The following MAP3K12 variants were observed in gnomAD, a reference collection of about 807,000 sequenced individuals.
MAP3K12 encodes mitogen-activated protein kinase kinase kinase 12.
Under a neutral mutation model 87.5 loss-of-function variants are expected in MAP3K12, and 14 were observed. The ratio of observed to expected loss-of-function variants is 0.16; its 90% CI spans 0.11 to 0.25. MAP3K12 has a LOEUF of 0.25. MAP3K12 is among the 10% of genes least tolerant of loss of function. MAP3K12 has a pLI of 1.00. For synonymous variants in MAP3K12, 469 were observed against 452.5 expected, an observed-to-expected ratio of 1.04 and a Z score of -0.46; for missense variants, 802 against 1,140.4, an observed-to-expected ratio of 0.70 and a Z score of 4.27.
intron 1 of MAP3K12, among the ~76,000 whole-genome samples, chr12:53,488,347 C>T (rs1943296233): frequency 6.6e-6 from 1 of 152,216 alleles, no homozygotes; most frequent in African/African-American, 2.4e-5. Context: ...TGTCCCAGTT[C>T]ATAGCTGGGT....
At chr12:53,481,304 G>A in intron 13 of MAP3K12, 24 bp from the exon 14 acceptor site, 2 of 1,412,710 alleles carry the variant, frequency 1.4e-6, no homozygotes, top group East Asian at 2.6e-5. Flanking sequence ...TAGAAATGGA[G>A]TGAGATTCCT....
chr12:53,480,353 C>T lies in MAP3K12; in HGVS notation c.*829G>A, dbSNP rs910025140. On this transcript the variant is annotated 3_prime_UTR_variant, in exon 14 of 14. Transcript: ENST00000547488. ...TAGAAAGTTGGGGCTTGACATTATA[C>T]TCATTTAGTGAGAGTAGATGCAAAA... The T allele has an allele frequency of 6.6e-6, 1 of 152,268 alleles. No homozygotes were observed. The highest frequency in any genetic ancestry group is 2.4e-5 in the African/African-American group (1 of 41,416). 9.4% of individuals were successfully genotyped at this position (152,268 alleles called of 1,614,324 possible).
In MAP3K12 at chr12:53,486,787, G is replaced by T; in HGVS notation, c.445+160C>A. On this transcript the variant is annotated intron_variant, in intron 2 of 13. Coordinates refer to ENST00000547488, the MANE Select transcript of MAP3K12 (RefSeq NM_001193511.2). This position sits in a 1 kb window ranked among gnomAD's most constrained non-coding sequence, Gnocchi z 4.9. ...GGGACAGGGAAGGAATGAATGGGTGGCCTTAAAAGAAGCTGGGAAGTTAGA... is the reference window on the plus strand; with the variant it reads ...GGGACAGGGAAGGAATGAATGGGTGTCCTTAAAAGAAGCTGGGAAGTTAGA... The T allele has an allele frequency of 6.8e-7, 1 of 1,472,882 alleles. No individual in the cohort carries two copies. 91.2% of individuals were successfully genotyped at this position (1,472,882 alleles called of 1,614,324 possible). A position where few individuals can be genotyped will look rare whatever the true frequency, so the allele number is the denominator to read the frequency against.
At position 53,480,109 on chromosome 12, in the gene MAP3K12, G is replaced by T. The variant is rs1055820239; in HGVS notation, c.*1073C>A. ...TAGGCAAGCACTTCCACTAGGGAGG[G>T]GGTGGGGGAAAGGAATGACACATGA... On this transcript the variant is annotated 3_prime_UTR_variant, in exon 14 of 14. Transcript: ENST00000547488. 6.6e-6 allele frequency: 1 copy of T among 152,068 alleles called. No homozygotes were observed. The highest frequency in any genetic ancestry group is 2.4e-5 in the African/African-American group (1 of 41,394). The allele number at this position is 152,068 out of a possible 1,614,324, so 9.4% of individuals were successfully genotyped here. A position where few individuals can be genotyped will look rare whatever the true frequency, so the allele number is the denominator to read the frequency against.
chr12:53,481,464 C>T, intron 13 of MAP3K12, 184 bp from the exon 14 acceptor site: 1 of 325,526 alleles, frequency 3.1e-6, no homozygotes, highest in Non-Finnish European at 5.7e-6. Context: ...ATTCTTCTGC[C>T]TCAGCCTTCT....
chr12:53,497,949 T>C (rs964450746), intron 1 of MAP3K12, among the ~76,000 whole-genome samples: 3 of 152,062 alleles, frequency 2.0e-5, no homozygotes, highest in African/African-American at 7.2e-5. Flanking sequence ...GGAAAAGCAA[T>C]TGGTTTTTAG....
chr12:53,485,670 C>T (rs986520631), intron 4 of MAP3K12, 195 bp from the exon 5 acceptor site: 1 of 615,958 alleles, frequency 1.6e-6, no homozygotes. Flanking sequence ...ATTCTCCTGC[C>T]TCAGCCTCCT....
At chr12:53,499,547 G>A (rs1943632277), upstream of MAP3K12, 1 of 152,116 alleles carries the variant, frequency 6.6e-6, no homozygotes. Flanking sequence ...CCCTCCACCG[G>A]ACCCGGGGCG....
chr12:53,490,211 C>G (rs539199376), intron 1 of MAP3K12, among the ~76,000 whole-genome samples: 84 of 150,712 alleles, frequency 5.6e-4, no homozygotes, highest in Admixed American at 1.8e-3. Context: ...GGCTGAGGCA[C>G]GAGAATTGCT....
rs553203939 is a variant in MAP3K12 at position 53,496,686 on chromosome 12, C to A, written c.-38+2741G>T. On this transcript the variant is annotated intron_variant, in intron 1 of 13. Transcript: ENST00000547488. ...GAATTGTGAGTGTTTTAATTTTCTC[C>A]TTTGGGTTTACGTATATTCCTAGTA... 9.2e-5 allele frequency among the ~76,000 whole-genome samples: 14 copies of A among 152,340 alleles called. No homozygotes were observed. In the East Asian group the frequency reaches 2.5e-3, roughly 27 times the overall value.
Position 53,487,313 on chromosome 12 carries a change from G to A in MAP3K12, c.79C>T (p.Arg27Cys), listed in dbSNP as rs893125695. The change falls in exon 2 of 14, where the codon CGC becomes TGC. Residue 27 changes from arginine (R) to cysteine (C), a missense_variant. Transcript: ENST00000547488. ...TCAGAAGTGTCTGGGTCCAGCTTGC[G>A]CATGGATGCCTCACTTAGGGTAGAC... ...FVSTLSEASM[R>C]KLDPDTSDCT... The A allele has an allele frequency of 1.2e-5, 19 of 1,613,922 alleles. No homozygotes were observed. Among genetic ancestry groups the A allele is most frequent in the Middle Eastern group, 1.6e-4 (1 of 6,082 alleles).
intron 1 of MAP3K12, among the ~76,000 whole-genome samples, chr12:53,495,744 A>G (rs1205385695): frequency 1.3e-5 from 2 of 152,150 alleles, no homozygotes; most frequent in East Asian, 3.9e-4. Context: ...CAGGATCCCA[A>G]GAGGAAAAGA....
At position 53,487,117 on chromosome 12, in the gene MAP3K12, C is replaced by G. The variant is rs1403570358; in HGVS notation, c.275G>C (p.Gly92Ala). 1.9e-6 allele frequency: 3 copies of G among 1,614,034 alleles called. No homozygotes were observed. Among genetic ancestry groups the G allele is most frequent in the Non-Finnish European group, 2.5e-6 (3 of 1,180,010 alleles). The change falls in exon 2 of 14, where the codon GGG (glycine) becomes GCG (alanine). Residue 92 changes from glycine to alanine, a missense_variant. Gly to Ala is a moderately conservative substitution (Grantham distance 60). This residue lies in a region of MAP3K12 where 135 missense variants were observed against 151.6 expected (regional missense o/e 0.89). Coordinates refer to ENST00000547488, the MANE Select transcript of MAP3K12 (RefSeq NM_001193511.2). Reference sequence around the variant, plus strand: ...ACTCTCAGGTGACCCAGCTGCTCCCCCTGGGCCCCCTGCATCCTGCTCATG... The same window carrying G: ...ACTCTCAGGTGACCCAGCTGCTCCCGCTGGGCCCCCTGCATCCTGCTCATG... ...QLHEQDAGGPGGAAGSPESRA... is the reference protein window; with the variant it reads ...QLHEQDAGGPAGAAGSPESRA...
chr12:53,495,674 A>G (rs1399010376), intron 1 of MAP3K12, among the ~76,000 whole-genome samples: 3 of 152,010 alleles, frequency 2.0e-5, no homozygotes, highest in African/African-American at 7.3e-5. Flanking sequence ...ACAGGTGTGA[A>G]CCACTGTGCC....
At chr12:53,500,910 T>C (rs1943672004), upstream of MAP3K12, 1 of 158,536 alleles carries the variant, frequency 6.3e-6, no homozygotes, top group Non-Finnish European at 1.4e-5. Context: ...TTCTCGTGCG[T>C]GCTTGACCCT....
rs1252627729 is a variant in MAP3K12 at position 53,482,640 on chromosome 12, C to G, written c.2163G>C (p.Arg721=). 1 of 1,613,960 alleles carries G rather than the reference C, an allele frequency of 6.2e-7. No homozygotes were observed. Among genetic ancestry groups the G allele is most frequent in the Non-Finnish European group, 8.5e-7 (1 of 1,180,028 alleles). Residue 721 remains arginine (R), a synonymous_variant, in exon 11 of 14, where the codon CGG becomes CGC. Transcript: ENST00000547488. ...GCTGGGACCCAGCCCGGCTTCCTCC[C>G]CGGCCTGAGGTCCCTTCCCTTCCAG... is the stretch of plus-strand genomic sequence containing the variant. ...LGTGREGTSG[R]GGSRAGSQHL... is the part of the protein sequence containing the mutation.
intron 1 of MAP3K12, among the ~76,000 whole-genome samples, chr12:53,489,187 G>A (rs533528114): frequency 6.6e-6 from 1 of 152,094 alleles, no homozygotes; most frequent in African/African-American, 2.4e-5. Flanking sequence ...AACAAAGCTG[G>A]GCATGGTGAT....
chr12:53,498,121 T>C lies in MAP3K12; in HGVS notation c.-38+1306A>G, dbSNP rs1484364717. ...TACCCCAGTTGACAATGGGAGTGAG[T>C]GGATGAATGATACGCTTGAGGGGAC... On this transcript the variant is annotated intron_variant, in intron 1 of 13. Coordinates refer to ENST00000547488, the MANE Select transcript of MAP3K12 (RefSeq NM_001193511.2). Among the ~76,000 whole-genome samples, 8 of 152,020 alleles carry C rather than the reference T, an allele frequency of 5.3e-5. No individual in the cohort carries two copies. The East Asian group carries it at 1.5e-3, about 29-fold the overall frequency.
Position 53,486,721 on chromosome 12 carries a change from T to A in MAP3K12, c.446-99A>T. The stretch of plus-strand genomic sequence containing the variant: ...GTTGGCTGAATTGACTTAAGGAGGG[T>A]GAGGCAGAAAGCCAAAAATAGGCCA... On this transcript the variant is annotated intron_variant, in intron 2 of 13. Transcript: ENST00000547488. This position sits in a 1 kb window ranked among gnomAD's most constrained non-coding sequence, Gnocchi z 4.9. The A allele has an allele frequency of 6.9e-7, 1 of 1,454,864 alleles. No homozygotes were observed. 90.1% of individuals were successfully genotyped at this position (1,454,864 alleles called of 1,614,324 possible).
Sources: allele counts gnomAD v4.1 joint callset (sites outside exome capture counted in the v4.1 genomes callset), GRCh38; gene constraint gnomAD v4.1.1; regional missense constraint gnomAD v4.1.1; non-coding constraint Gnocchi (gnomAD v3.1); transcripts MANE v1.5; gene names NCBI Gene and HGNC (gene_info 2026-07-23, HGNC 2026-07-21).